The following TENM3 variants were observed in gnomAD, a reference collection of about 807,000 sequenced individuals.
The protein encoded by TENM3 is teneurin-3.
TENM3 carries 63 observed loss-of-function variants against 255.1 expected under a neutral mutation model. That is an observed-to-expected ratio of 0.25 (90% CI 0.20 to 0.30). TENM3 has a LOEUF of 0.30. TENM3 is among the 10% of genes least tolerant of loss of function. TENM3 has a pLI of 1.00. For missense variants in TENM3, 2,929 were observed against 3,461.1 expected (o/e 0.85, Z 3.86); for synonymous variants, 1,306 against 1,322.3 (o/e 0.99, Z 0.27).
intron 3 of TENM3, among the ~76,000 whole-genome samples, chr4:182,407,888 A>G (rs1458690754): frequency 1.3e-5 from 2 of 152,224 alleles, no homozygotes; most frequent in African/African-American, 4.8e-5. Context: ...TAAGTGTTAA[A>G]ATGGCAATAC....
At chr4:182,243,586 G>A (rs1254557126) in intron 1 of TENM3, 110 bp downstream of exon 1, 1 of 151,532 alleles carries the variant, frequency 6.6e-6, no homozygotes, top group Non-Finnish European at 1.5e-5. Context: ...TTGGAAACTG[G>A]GGAGGGCAGA....
chr4:181,638,356 G>C, the TENM3 span, among the ~76,000 whole-genome samples: 6 of 152,214 alleles, frequency 3.9e-5, no homozygotes, highest in Non-Finnish European at 8.8e-5. Flanking sequence ...TACAGATAAG[G>C]CCGTGAAAGT....
At position 182,181,943 on chromosome 4, in the gene TENM3, G is replaced by A. The variant is rs145381291; in HGVS notation, c.-76+37189G>A. ...GTTTTGTTTTTGAAAAAATTCGATA[G>A]GTAGTATGTCCTTTGACTTTAAAAC... is the stretch of plus-strand genomic sequence containing the variant. On this transcript the variant is annotated intron_variant, in intron 1 of 2. Coordinates refer to the TENM3 transcript ENST00000512480. Among the ~76,000 whole-genome samples the A allele has an allele frequency of 1.6e-4, 24 of 151,336 alleles. No homozygotes were observed. In the East Asian group the frequency reaches 4.1e-3, roughly 26 times the overall value.
At chr4:182,756,297 G>A (rs866696539) in intron 22 of TENM3, among the ~76,000 whole-genome samples, 3 of 152,172 alleles carry the variant, frequency 2.0e-5, no homozygotes, top group African/African-American at 7.2e-5. Context: ...GAGGTAGGAG[G>A]CTCATTCAGC....
intron 3 of TENM3, among the ~76,000 whole-genome samples, chr4:182,598,574 T>A (rs1263605019): frequency 2.0e-5 from 3 of 152,238 alleles, no homozygotes. Context: ...TGAAACATGA[T>A]GATAATGGAT....
chr4:181,766,787 C>T, the TENM3 span, among the ~76,000 whole-genome samples: 1 of 150,280 alleles, frequency 6.7e-6, no homozygotes, highest in East Asian at 2.0e-4. Context: ...CATCCAAAGA[C>T]GCTTTAAGGA....
the TENM3 span, among the ~76,000 whole-genome samples, chr4:181,769,099 T>A: frequency 6.6e-6 from 1 of 152,168 alleles, no homozygotes; most frequent in African/African-American, 2.4e-5. Flanking sequence ...TTGATTGGAT[T>A]TTATAGGGTA....
At chr4:182,417,741 A>G (rs1283108991) in intron 3 of TENM3, among the ~76,000 whole-genome samples, 1 of 152,232 alleles carries the variant, frequency 6.6e-6, no homozygotes, top group African/African-American at 2.4e-5. Flanking sequence ...ACATTGTTAT[A>G]GTATTTAAGT....
In TENM3 at chr4:182,714,281, C is replaced by A. The variant is rs117060822; in HGVS notation, c.2368+48C>A. 5.7e-5 allele frequency: 59 copies of A among 1,030,294 alleles called. No individual in the cohort carries two copies. The East Asian group carries it at 2.5e-3, about 44-fold the overall frequency. 63.8% of individuals were successfully genotyped at this position (1,030,294 alleles called of 1,614,324 possible). A position where few individuals can be genotyped will look rare whatever the true frequency, so the allele number is the denominator to read the frequency against. On this transcript the variant is annotated intron_variant, in intron 13 of 27. Transcript: ENST00000511685. Reference sequence around the variant, plus strand: ...ACGAGTCTGTGCCAGAGCACAGGTTCGTAAGTGACAGTGAGTACATAGATA... The same window carrying A: ...ACGAGTCTGTGCCAGAGCACAGGTTAGTAAGTGACAGTGAGTACATAGATA...
chr4:182,628,194 G>A (rs1448686220), intron 4 of TENM3, among the ~76,000 whole-genome samples: 4 of 152,142 alleles, frequency 2.6e-5, no homozygotes, highest in Non-Finnish European at 5.9e-5. Context: ...GAAGATCCGC[G>A]TGATCATGCA....
At chr4:181,932,951 G>T in the TENM3 span, among the ~76,000 whole-genome samples, 1 of 152,130 alleles carries the variant, frequency 6.6e-6, no homozygotes, top group African/African-American at 2.4e-5. Context: ...ACTCATAAGT[G>T]GGAGCTGAAC....
At chr4:182,678,544 G>T (rs780897086) in intron 7 of TENM3, among the ~76,000 whole-genome samples, 3 of 152,178 alleles carry the variant, frequency 2.0e-5, no homozygotes, top group Non-Finnish European at 2.9e-5. Flanking sequence ...AGGTGGAGTA[G>T]GGTGGGAGGA....
At chr4:181,729,207 G>A in the TENM3 span, among the ~76,000 whole-genome samples, 9 of 152,054 alleles carry the variant, frequency 5.9e-5, no homozygotes, top group African/African-American at 1.5e-4. Flanking sequence ...GTTATTTCTC[G>A]CTGAAAAAGT....
the TENM3 span, among the ~76,000 whole-genome samples, chr4:181,682,122 T>A: frequency 3.3e-5 from 5 of 152,136 alleles, no homozygotes; most frequent in Admixed American, 3.3e-4. Flanking sequence ...GGCCCCCAAG[T>A]GGAGCACAAT....
At chr4:182,193,561 C>T (rs1003966089) in intron 1 of TENM3, among the ~76,000 whole-genome samples, 4 of 152,196 alleles carry the variant, frequency 2.6e-5, no homozygotes, top group Middle Eastern at 3.2e-3. Flanking sequence ...AGCGTCCTGG[C>T]GTACATTCCA....
chr4:182,678,194 A>G (rs1186607666), intron 7 of TENM3, among the ~76,000 whole-genome samples: 2 of 152,196 alleles, frequency 1.3e-5, no homozygotes, highest in Non-Finnish European at 2.9e-5. Context: ...AAGTCTTTTC[A>G]GTGTCTTTCA....
chr4:182,441,571 C>T (rs1772491540), intron 3 of TENM3, among the ~76,000 whole-genome samples: 1 of 152,178 alleles, frequency 6.6e-6, no homozygotes, highest in Non-Finnish European at 1.5e-5. Context: ...AATCTCCGCT[C>T]ACCACAACCT....
At chr4:182,101,941 G>A in the TENM3 span, among the ~76,000 whole-genome samples, 2 of 152,162 alleles carry the variant, frequency 1.3e-5, no homozygotes, top group African/African-American at 4.8e-5. Flanking sequence ...AGGTAGAAGA[G>A]TCTTGACTGT....
intron 1 of TENM3, among the ~76,000 whole-genome samples, chr4:182,281,185 C>T (rs893050920): frequency 1.3e-5 from 2 of 152,170 alleles, no homozygotes; most frequent in East Asian, 3.8e-4. Flanking sequence ...GACATATGGT[C>T]ATCCTATCTT....
Sources: gnomAD v4.1 joint callset for allele counts (sites outside exome capture counted in the v4.1 genomes callset) on GRCh38, gnomAD v4.1.1 for gene constraint, MANE v1.5 for transcripts, NCBI Gene and HGNC (gene_info 2026-07-23, HGNC 2026-07-21) for gene names.